The following ERBB4 variants were observed in gnomAD, a reference collection of about 807,000 sequenced individuals.
The protein encoded by ERBB4 is erb-b2 receptor tyrosine kinase 4.
Under a neutral mutation model 158.0 loss-of-function variants are expected in ERBB4, and 42 were observed. The observed-to-expected ratio is 0.27, with a 90% CI of 0.21 to 0.34. The LOEUF (loss-of-function observed/expected upper bound fraction) is 0.34. Among genes scored for constraint, ERBB4 ranks in the 10% least tolerant of loss-of-function variants. The probability of loss-of-function intolerance (pLI) is 1.00; values close to 1 mark genes in which losing one functional copy is unlikely to be tolerated. For missense variants in ERBB4, 1,333 were observed against 1,624.1 expected, an observed-to-expected ratio of 0.82 and a Z score of 3.08; for synonymous variants, 583 against 558.7, an observed-to-expected ratio of 1.04 and a Z score of -0.61.
intron 1 of ERBB4, among the ~76,000 whole-genome samples, chr2:212,252,996 A>C (rs2084596244): frequency 6.6e-6 from 1 of 151,842 alleles, no homozygotes; most frequent in Non-Finnish European, 1.5e-5. Context: ...ATTTCTTCTA[A>C]TATTCATGAC....
intron 2 of ERBB4, among the ~76,000 whole-genome samples, chr2:212,000,423 G>A (rs959847557): frequency 6.6e-5 from 10 of 151,844 alleles, no homozygotes; most frequent in Non-Finnish European, 1.0e-4. Flanking sequence ...TATACTGATA[G>A]TTAAGAAAAC....
At chr2:211,648,045 A>C (rs1429644978) in intron 16 of ERBB4, among the ~76,000 whole-genome samples, 2 of 151,850 alleles carry the variant, frequency 1.3e-5, no homozygotes, top group Non-Finnish European at 2.9e-5. Context: ...TAATGTAATG[A>C]ATTTAAATAT....
At chr2:211,414,324 C>G (rs1009633566) in intron 25 of ERBB4, among the ~76,000 whole-genome samples, 2 of 151,896 alleles carry the variant, frequency 1.3e-5, no homozygotes, top group African/African-American at 4.8e-5. Context: ...AGGTGAAACC[C>G]TGTCTCTACT....
At chr2:211,712,992 T>G (rs2073761246) in intron 8 of ERBB4, among the ~76,000 whole-genome samples, 1 of 152,188 alleles carries the variant, frequency 6.6e-6, no homozygotes. Context: ...TACCCACAGC[T>G]GGAAGAGATT....
chr2:211,792,753 C>G (rs2076303653), intron 3 of ERBB4, among the ~76,000 whole-genome samples: 1 of 151,850 alleles, frequency 6.6e-6, no homozygotes, highest in Non-Finnish European at 1.5e-5. Flanking sequence ...GTATTTGTAT[C>G]TTTGTCATTC....
At chr2:212,411,384 C>T (rs1348604727) in intron 1 of ERBB4, among the ~76,000 whole-genome samples, 2 of 151,986 alleles carry the variant, frequency 1.3e-5, no homozygotes, top group Admixed American at 1.3e-4. Flanking sequence ...TAAAACCTAA[C>T]CTAAAGTTAG....
At chr2:211,884,971 GAA>G (rs1488043114) in intron 3 of ERBB4, among the ~76,000 whole-genome samples, 1 of 152,008 alleles carries the variant, frequency 6.6e-6, no homozygotes, top group Admixed American at 6.6e-5. Flanking sequence ...CTGGAAACCT[GAA>G]ATAAGGAAAA....
intron 25 of ERBB4, among the ~76,000 whole-genome samples, chr2:211,395,618 G>GACA (rs34017203): frequency 6.6e-6 from 1 of 151,880 alleles, no homozygotes; most frequent in Non-Finnish European, 1.5e-5. Flanking sequence ...TTAATTTTAA[G>GACA]ACAGATATTA....
intron 1 of ERBB4, among the ~76,000 whole-genome samples, chr2:212,202,742 G>T (rs2082623969): frequency 6.6e-6 from 1 of 152,068 alleles, no homozygotes; most frequent in African/African-American, 2.4e-5. Flanking sequence ...TTAATCCAAA[G>T]AAATAAAACT....
intron 4 of ERBB4, among the ~76,000 whole-genome samples, chr2:211,756,359 G>A (rs1425200240): frequency 2.6e-5 from 4 of 152,308 alleles, no homozygotes; most frequent in South Asian, 2.1e-4. Context: ...GCTAGCCTAA[G>A]CAATAACACA....
intron 3 of ERBB4, among the ~76,000 whole-genome samples, chr2:211,827,103 AGTATG>A (rs148138943): frequency 0.041 from 6,181 of 152,076 alleles, 189 homozygotes; most frequent in Middle Eastern, 0.068. Flanking sequence ...TTCACTTTTA[AGTATG>A]GTTAGATTGG....
chr2:211,679,255 T>G (rs1162185527), intron 12 of ERBB4, 71 bp from the exon 13 acceptor site: 1 of 1,552,668 alleles, frequency 6.4e-7, no homozygotes, highest in African/African-American at 1.4e-5. Context: ...TCCTAGGTAA[T>G]GCTATTTCTA....
intron 23 of ERBB4, among the ~76,000 whole-genome samples, chr2:211,423,184 T>C (rs528345532): frequency 3.9e-5 from 6 of 152,118 alleles, no homozygotes; most frequent in African/African-American, 1.4e-4. Context: ...AGTTGAGGTA[T>C]CGGTTTCTTT....
chr2:211,932,957 T>A (rs2080216611), intron 3 of ERBB4, among the ~76,000 whole-genome samples: 1 of 152,040 alleles, frequency 6.6e-6, no homozygotes, highest in South Asian at 2.1e-4. Context: ...ATAGTAATAG[T>A]CTTAAATACA....
Position 211,673,236 on chromosome 2 carries a change from A to G in ERBB4, c.1644T>C (p.Asn548=), listed in dbSNP as rs1331480344. 14 of 1,613,590 alleles carry G rather than the reference A, an allele frequency of 8.7e-6. No individual in the cohort carries two copies. Among genetic ancestry groups the G allele is most frequent in the Non-Finnish European group, 1.2e-5 (14 of 1,179,672 alleles). ...GGTCACACTCCACACAGATGGAGCC[A>G]TTCTCAAACTCCCGAAATTCACTGT... ...LYDGEFREFE[N]GSICVECDPQ... Residue 548 remains asparagine (N), a synonymous_variant, in exon 14 of 28, where the codon AAT becomes AAC. Transcript: ENST00000342788.
intron 18 of ERBB4, 33 bp from the exon 19 acceptor site, chr2:211,619,308 A>AGACCAAGAACC: frequency 8.7e-7 from 1 of 1,148,706 alleles, no homozygotes; most frequent in Non-Finnish European, 1.3e-6. Context: ...TAAATATGAC[A>AGACCAAGAACC]TCTCAACCTA....
intron 1 of ERBB4, among the ~76,000 whole-genome samples, chr2:212,276,073 T>G (rs1392075111): frequency 6.6e-6 from 1 of 151,848 alleles, no homozygotes. Flanking sequence ...TCAGCTCTAA[T>G]GTGGTTCCAG....
intron 1 of ERBB4, among the ~76,000 whole-genome samples, chr2:212,165,588 A>G (rs2081323427): frequency 6.6e-6 from 1 of 151,936 alleles, no homozygotes; most frequent in Non-Finnish European, 1.5e-5. Flanking sequence ...CTTTTTCCTG[A>G]TAAAATACCA....
At chr2:211,918,073 G>A (rs1357412483) in intron 3 of ERBB4, among the ~76,000 whole-genome samples, 5 of 152,170 alleles carry the variant, frequency 3.3e-5, no homozygotes, top group Non-Finnish European at 7.4e-5. Context: ...TGGCTGGATT[G>A]AAGATGATTC....
Sources: gnomAD v4.1 joint callset for allele counts (sites outside exome capture counted in the v4.1 genomes callset) on GRCh38, gnomAD v4.1.1 for gene constraint, MANE v1.5 for transcripts, NCBI Gene and HGNC (gene_info 2026-07-23, HGNC 2026-07-21) for gene names.